Variants in TAFA1 observed in about 807,000 individuals in gnomAD.
TAFA1 encodes chemokine-like protein TAFA-1.
In TAFA1, 4 loss-of-function variants were observed where a neutral mutation model predicts 18.5. The ratio of observed to expected loss-of-function variants is 0.22; its 90% CI spans 0.11 to 0.49. The LOEUF is 0.49. TAFA1 is among the 20% of genes least tolerant of loss of function. The pLI is 0.98. For missense variants in TAFA1, 147 were observed against 169.0 expected, an observed-to-expected ratio of 0.87 and a Z score of 0.72; for synonymous variants, 56 against 55.2, an observed-to-expected ratio of 1.01 and a Z score of -0.06.
intron 2 of TAFA1, among the ~76,000 whole-genome samples, chr3:68,218,948 A>T (rs1575686941): frequency 6.6e-6 from 1 of 151,628 alleles, no homozygotes; most frequent in East Asian, 1.9e-4. Context: ...AATCCTTTTG[A>T]GTGTCCTTGA....
At chr3:68,541,193 C>T (rs1177395954) in intron 4 of TAFA1, among the ~76,000 whole-genome samples, 1 of 152,204 alleles carries the variant, frequency 6.6e-6, no homozygotes. Flanking sequence ...AAAGAGAAGA[C>T]ACTGGAAAAG....
intron 2 of TAFA1, among the ~76,000 whole-genome samples, chr3:68,259,591 T>A (rs533122986): frequency 1.1e-4 from 16 of 152,330 alleles, no homozygotes; most frequent in African/African-American, 3.8e-4. Flanking sequence ...CTTCCATTTC[T>A]TTGTATCCTC....
intron 2 of TAFA1, among the ~76,000 whole-genome samples, chr3:68,342,802 C>T (rs749715152): frequency 6.6e-6 from 1 of 152,144 alleles, no homozygotes; most frequent in Non-Finnish European, 1.5e-5. Flanking sequence ...GCGAGTTAGG[C>T]GTCACAAAGG....
At chr3:68,495,998 CAAAAAAAAAAAAAA>C (rs199520960) in intron 3 of TAFA1, among the ~76,000 whole-genome samples, 63,756 of 109,026 alleles carry the variant, frequency 0.58, 15,697 homozygotes, top group Middle Eastern at 0.69. Context: ...TTCCCTGAAG[CAAAAAAAAAAAAAA>C]AAAAAAAAAA....
intron 3 of TAFA1, among the ~76,000 whole-genome samples, chr3:68,528,705 T>C (rs1036357288): frequency 2.6e-5 from 4 of 152,230 alleles, no homozygotes; most frequent in African/African-American, 9.6e-5. Flanking sequence ...TTGAGGTACT[T>C]ATAACCTACT....
intron 2 of TAFA1, among the ~76,000 whole-genome samples, chr3:68,415,627 C>G (rs2070817965): frequency 6.6e-6 from 1 of 151,980 alleles, no homozygotes; most frequent in African/African-American, 2.4e-5. Context: ...TTGGCACCTA[C>G]AAAGATATAA....
chr3:68,471,487 G>T (rs990662822), intron 3 of TAFA1, among the ~76,000 whole-genome samples: 1 of 152,190 alleles, frequency 6.6e-6, no homozygotes, highest in Non-Finnish European at 1.5e-5. Context: ...GGGTGGAGCT[G>T]CCCAAGGCCA....
intron 3 of TAFA1, among the ~76,000 whole-genome samples, chr3:68,508,548 T>C (rs2175515): frequency 0.22 from 33,345 of 151,984 alleles, 3,789 homozygotes; most frequent in African/African-American, 0.25. Flanking sequence ...ACACAACTCA[T>C]GAAGTAACCA....
chr3:68,432,675 C>T (rs756224762), intron 3 of TAFA1, among the ~76,000 whole-genome samples: 9 of 151,974 alleles, frequency 5.9e-5, no homozygotes, highest in Non-Finnish European at 8.8e-5. Flanking sequence ...CGCGACATGC[C>T]GTGTTTTCAT....
intron 2 of TAFA1, among the ~76,000 whole-genome samples, chr3:68,182,344 G>A (rs2066214348): frequency 6.6e-6 from 1 of 152,162 alleles, no homozygotes. Flanking sequence ...AAGCCCCAGT[G>A]TTGTACTGTG....
At chr3:68,178,560 C>A (rs566589345) in intron 2 of TAFA1, among the ~76,000 whole-genome samples, 8 of 152,298 alleles carry the variant, frequency 5.3e-5, no homozygotes, top group African/African-American at 1.9e-4. Flanking sequence ...ATGTATAAAA[C>A]TGTTACCTAA....
chr3:68,491,826 A>T (rs1045572486), intron 3 of TAFA1, among the ~76,000 whole-genome samples: 3 of 152,128 alleles, frequency 2.0e-5, no homozygotes, highest in African/African-American at 7.2e-5. Flanking sequence ...AATAGTTAAA[A>T]ATATAATTTC....
chr3:68,391,557 G>A (rs534363149), intron 2 of TAFA1, among the ~76,000 whole-genome samples: 19 of 152,204 alleles, frequency 1.2e-4, no homozygotes, highest in East Asian at 5.8e-4. Flanking sequence ...ACACATAATC[G>A]TCAGATTCAC....
chr3:68,392,742 T>A, intron 2 of TAFA1, among the ~76,000 whole-genome samples: 1 of 152,192 alleles, frequency 6.6e-6, no homozygotes, highest in Non-Finnish European at 1.5e-5. Context: ...CTGAACAACC[T>A]GCTCCTGAAT....
At position 68,456,198 on chromosome 3, in the gene TAFA1, G is replaced by A. The variant is rs536815765; in HGVS notation, c.259+38778G>A. Reference sequence around the variant, plus strand: ...TGCACAACAAAAAGCCTGGAAATTGGTATTTATCTTTTCCCTTCAAGACTC... The same window carrying A: ...TGCACAACAAAAAGCCTGGAAATTGATATTTATCTTTTCCCTTCAAGACTC... On this transcript the variant is annotated intron_variant, in intron 3 of 4. Transcript: ENST00000478136. Among the ~76,000 whole-genome samples the A allele has an allele frequency of 3.5e-4, 53 of 152,184 alleles. No homozygotes were observed. The South Asian group carries it at 0.011, about 30-fold the overall frequency.
intron 2 of TAFA1, chr3:68,192,424 T>A (rs375943624): frequency 5.6e-4 from 108 of 192,412 alleles, no homozygotes; most frequent in African/African-American, 2.4e-3. Context: ...TGAAAACAGA[T>A]GAGAAACTGA....
At chr3:68,271,946 G>T (rs1180324437) in intron 2 of TAFA1, among the ~76,000 whole-genome samples, 1 of 152,008 alleles carries the variant, frequency 6.6e-6, no homozygotes, top group Non-Finnish European at 1.5e-5. Context: ...TTGAAATATG[G>T]TTAAGTGATT....
chr3:68,201,788 G>A (rs1450229928), intron 2 of TAFA1, among the ~76,000 whole-genome samples: 1 of 151,680 alleles, frequency 6.6e-6, no homozygotes, highest in African/African-American at 2.4e-5. Flanking sequence ...TCTACAAGAT[G>A]GGAAGTACAA....
chr3:68,156,472 C>T (rs377654500), intron 2 of TAFA1, among the ~76,000 whole-genome samples: 11 of 152,146 alleles, frequency 7.2e-5, no homozygotes, highest in African/African-American at 2.2e-4. Flanking sequence ...AGGCAAACTA[C>T]ATGACTTTGC....
Sources: allele counts gnomAD v4.1 joint callset (sites outside exome capture counted in the v4.1 genomes callset), GRCh38; gene constraint gnomAD v4.1.1; transcripts MANE v1.5; gene names NCBI Gene and HGNC (gene_info 2026-07-23, HGNC 2026-07-21).